The following RYR3 variants were observed in gnomAD, a reference collection of about 807,000 sequenced individuals.
The protein encoded by RYR3 is brain ryanodine receptor-calcium release channel.
A neutral mutation model predicts 584.3 loss-of-function variants in RYR3; 207 were observed. That is an observed-to-expected ratio of 0.35 (90% CI 0.32 to 0.40). The LOEUF is 0.40. RYR3 is among the 10% of genes least tolerant of loss of function. The pLI, the probability that RYR3 is intolerant of heterozygous loss-of-function variation, is 1.00. For synonymous variants in RYR3, 2,416 were observed against 2,248.5 expected (o/e 1.07, Z -2.11); for missense variants, 5,616 against 6,089.2 (o/e 0.92, Z 2.59).
intron 10 of RYR3, among the ~76,000 whole-genome samples, chr15:33,553,682 A>G (rs1268471311): frequency 2.0e-5 from 3 of 152,144 alleles, no homozygotes; most frequent in Admixed American, 1.3e-4. Context: ...GAGAGCTAGG[A>G]TGTAGTATTA....
At chr15:33,804,607 A>G (rs1052828971) in intron 69 of RYR3, among the ~76,000 whole-genome samples, 1 of 152,186 alleles carries the variant, frequency 6.6e-6, no homozygotes, top group Non-Finnish European at 1.5e-5. Flanking sequence ...ACAGTGCATT[A>G]TTTCAGACAA....
intron 14 of RYR3, among the ~76,000 whole-genome samples, chr15:33,583,420 G>A (rs1282260577): frequency 1.3e-5 from 2 of 152,086 alleles, no homozygotes; most frequent in African/African-American, 4.8e-5. Flanking sequence ...CAGTAACCAA[G>A]CCAATATTAA....
chr15:33,785,684 A>G lies in RYR3; in HGVS notation c.9291A>G (p.Val3097=). The G allele has an allele frequency of 6.2e-7, 1 of 1,605,780 alleles. No homozygotes were observed. Among genetic ancestry groups the G allele is most frequent in the Non-Finnish European group, 8.5e-7 (1 of 1,175,578 alleles). The part of the protein sequence containing the change: ...ERSILGMPDT[V]EDMCPDIPQL... ...CAGTTCTGGGGATGCCAGACACGGT[A>G]GAAGACATGTGTCCTGACATCCCCC... The change falls in exon 66 of 104, where the codon GTA becomes GTG. Residue 3097 remains valine (V), a synonymous_variant. Coordinates refer to ENST00000634891, the MANE Select transcript of RYR3 (RefSeq NM_001036.6).
In RYR3 at chr15:33,859,558, T is replaced by C. The variant is rs758429799; in HGVS notation, c.14143-17T>C. The stretch of plus-strand genomic sequence containing the variant: ...ACTGTGACTTTTGCCTAAATCCCCC[T>C]TATTTTTCTTCTCTAGTGTTACCTT... On this transcript the variant is annotated splice_polypyrimidine_tract_variant and intron_variant, in intron 99 of 103. Coordinates refer to ENST00000634891, the MANE Select transcript of RYR3 (RefSeq NM_001036.6). 4 of 1,613,480 alleles carry C rather than the reference T, an allele frequency of 2.5e-6. No individual in the cohort carries two copies. The highest frequency in any genetic ancestry group is 3.4e-6 in the Non-Finnish European group (4 of 1,179,570).
At chr15:33,638,096 A>G (rs919493480) in intron 27 of RYR3, among the ~76,000 whole-genome samples, 1 of 152,254 alleles carries the variant, frequency 6.6e-6, no homozygotes, top group South Asian at 2.1e-4. Context: ...TAAAAAGACA[A>G]ATGACTAAAG....
At chr15:33,470,534 G>A (rs919922638) in intron 1 of RYR3, among the ~76,000 whole-genome samples, 1 of 152,158 alleles carries the variant, frequency 6.6e-6, no homozygotes, top group Non-Finnish European at 1.5e-5. Context: ...TCTAGGAACT[G>A]GAAGTCTTTA....
intron 76 of RYR3, among the ~76,000 whole-genome samples, chr15:33,819,467 T>C (rs1311709831): frequency 6.6e-6 from 1 of 150,918 alleles, no homozygotes; most frequent in Non-Finnish European, 1.5e-5. Flanking sequence ...AGGTCAGGAG[T>C]TTGAGACCAG....
chr15:33,696,123 A>G (rs2065845911), intron 38 of RYR3, 95 bp from the exon 39 acceptor site: 1 of 1,221,812 alleles, frequency 8.2e-7, no homozygotes, highest in Non-Finnish European at 1.1e-6. Flanking sequence ...ACCTCAACCA[A>G]TGATGTGTCT....
chr15:33,392,812 C>T (rs1000239844), intron 1 of RYR3, among the ~76,000 whole-genome samples: 2 of 152,056 alleles, frequency 1.3e-5, no homozygotes, highest in East Asian at 1.9e-4. Context: ...GAAATCGAAG[C>T]AAGTAGAGTA....
chr15:33,355,608 T>C (rs953758946), intron 1 of RYR3, among the ~76,000 whole-genome samples: 2 of 152,216 alleles, frequency 1.3e-5, no homozygotes, highest in Non-Finnish European at 2.9e-5. Context: ...TCTGCCATAT[T>C]TTCTTAGGTA....
Position 33,505,653 on chromosome 15 carries a change from G to A in RYR3, c.279+1915G>A, listed in dbSNP as rs962153499. Among the ~76,000 whole-genome samples, 7 of 152,024 alleles carry A rather than the reference G, an allele frequency of 4.6e-5. No individual in the cohort carries two copies. In the South Asian group the frequency reaches 1.0e-3, roughly 23 times the overall value. ...ACTACAGGCGCCCGCCACCATGCCC[G>A]GCTAATTTTTTTGTATTTTTAGTAG... On this transcript the variant is annotated intron_variant, in intron 3 of 103. Coordinates refer to ENST00000634891, the MANE Select transcript of RYR3 (RefSeq NM_001036.6).
At chr15:33,436,879 C>T (rs982487404) in intron 1 of RYR3, among the ~76,000 whole-genome samples, 4 of 151,974 alleles carry the variant, frequency 2.6e-5, no homozygotes, top group Non-Finnish European at 5.9e-5. Flanking sequence ...TTTAAGTGGT[C>T]CTTATCTACC....
At chr15:33,455,353 G>C (rs965923796) in intron 1 of RYR3, among the ~76,000 whole-genome samples, 11 of 152,090 alleles carry the variant, frequency 7.2e-5, no homozygotes, top group African/African-American at 2.7e-4. Context: ...TATAAATAAA[G>C]AGATTTGAGT....
chr15:33,323,168 G>T (rs1969222308), intron 1 of RYR3, among the ~76,000 whole-genome samples: 1 of 152,014 alleles, frequency 6.6e-6, no homozygotes, highest in Non-Finnish European at 1.5e-5. Flanking sequence ...CTGGAGTGCA[G>T]TGGCACGATC....
intron 3 of RYR3, among the ~76,000 whole-genome samples, chr15:33,507,540 T>A (rs923303875): frequency 6.6e-6 from 1 of 152,254 alleles, no homozygotes; most frequent in Non-Finnish European, 1.5e-5. Context: ...GTAAAATTCC[T>A]GCAATCAAAT....
intron 1 of RYR3, among the ~76,000 whole-genome samples, chr15:33,414,154 A>T (rs985469214): frequency 6.6e-6 from 1 of 152,244 alleles, no homozygotes; most frequent in African/African-American, 2.4e-5. Flanking sequence ...AATTAGTCAT[A>T]CTATAAAATT....
chr15:33,734,510 A>G (rs914061529), intron 48 of RYR3, among the ~76,000 whole-genome samples: 1 of 152,132 alleles, frequency 6.6e-6, no homozygotes, highest in African/African-American at 2.4e-5. Flanking sequence ...AACAGCTGCG[A>G]TCGTGTTCCA....
intron 62 of RYR3, among the ~76,000 whole-genome samples, chr15:33,770,508 T>C (rs1441656362): frequency 1.3e-5 from 2 of 152,082 alleles, no homozygotes; most frequent in Non-Finnish European, 2.9e-5. Flanking sequence ...TCCCAGCACT[T>C]TGGGAGGCAG....
chr15:33,596,086 G>A (rs1337139951), intron 16 of RYR3, among the ~76,000 whole-genome samples: 5 of 142,636 alleles, frequency 3.5e-5, no homozygotes, highest in African/African-American at 1.0e-4. Context: ...AAAAAAAAAA[G>A]CCTCTTTATT....
Sources: allele counts gnomAD v4.1 joint callset (sites outside exome capture counted in the v4.1 genomes callset), GRCh38; gene constraint gnomAD v4.1.1; transcripts MANE v1.5; gene names NCBI Gene and HGNC (gene_info 2026-07-23, HGNC 2026-07-21).